Variants in OTOGL observed in about 807,000 individuals in gnomAD.
OTOGL encodes the protein otogelin-like protein.
OTOGL carries 285 observed loss-of-function variants against 318.5 expected under a neutral mutation model. The ratio of observed to expected loss-of-function variants is 0.89; its 90% CI spans 0.81 to 0.99. The LOEUF is 0.99. Among genes scored for constraint, OTOGL ranks in the 50% least tolerant of loss-of-function variants. The pLI is 0.00. For missense variants in OTOGL, 2,899 were observed against 2,845.6 expected, an observed-to-expected ratio of 1.02 and a Z score of -0.43; for synonymous variants, 987 against 936.5, an observed-to-expected ratio of 1.05 and a Z score of -0.99.
intron 1 of OTOGL, among the ~76,000 whole-genome samples, chr12:80,201,661 A>G (rs572894373): frequency 6.6e-6 from 1 of 152,144 alleles, no homozygotes; most frequent in African/African-American, 2.4e-5. Context: ...TACCCAGGAC[A>G]TATACTTCTA....
At chr12:80,141,171 T>C (rs535314087) in intron 1 of OTOGL, among the ~76,000 whole-genome samples, 5 of 152,278 alleles carry the variant, frequency 3.3e-5, no homozygotes, top group Non-Finnish European at 7.4e-5. Flanking sequence ...TCTTAAGTTA[T>C]GTAAAGTAGG....
intron 7 of OTOGL, among the ~76,000 whole-genome samples, chr12:80,223,428 T>C (rs1878544851): frequency 6.6e-6 from 1 of 152,062 alleles, no homozygotes; most frequent in African/African-American, 2.4e-5. Context: ...TGACTTCTTT[T>C]CTTCTGGGGA....
intron 1 of OTOGL, among the ~76,000 whole-genome samples, chr12:80,158,111 T>C (rs994990669): frequency 6.6e-6 from 1 of 152,152 alleles, no homozygotes; most frequent in African/African-American, 2.4e-5. Context: ...TATTCACAAC[T>C]CTAAAATCTA....
intron 57 of OTOGL, among the ~76,000 whole-genome samples, chr12:80,375,003 A>T (rs1225841288): frequency 6.6e-6 from 1 of 152,136 alleles, no homozygotes; most frequent in African/African-American, 2.4e-5. Context: ...CCTGTCCAGT[A>T]TCTGGGCCCA....
In OTOGL at chr12:80,222,158, C is replaced by T. The variant is rs772327915; in HGVS notation, c.402C>T (p.Phe134=). 8.1e-6 allele frequency: 13 copies of T among 1,597,524 alleles called. No individual in the cohort carries two copies. Among genetic ancestry groups the T allele is most frequent in the African/African-American group, 5.3e-5 (4 of 74,852 alleles). ...KTWGQYHFET[F]DGIYYYFPGN... ...GGGGACAGTATCATTTTGAAACATT[C>T]GATGGCATCTACTATTACTTCCCAG... Residue 134 remains phenylalanine, a synonymous_variant, in exon 7 of 59, where the codon TTC becomes TTT. Coordinates refer to ENST00000547103, the MANE Select transcript of OTOGL (RefSeq NM_001378609.3).
chr12:80,147,817 G>A (rs1439682975), intron 1 of OTOGL, among the ~76,000 whole-genome samples: 1 of 152,052 alleles, frequency 6.6e-6, no homozygotes, highest in African/African-American at 2.4e-5. Context: ...TAATGGCCTT[G>A]TTTGTCTCTT....
chr12:80,200,242 CA>C (rs1439720177), intron 1 of OTOGL, among the ~76,000 whole-genome samples: 3 of 152,072 alleles, frequency 2.0e-5, no homozygotes, highest in Non-Finnish European at 4.4e-5. Flanking sequence ...TTGTAAGTGC[CA>C]AGGAGTAGTT....
intron 26 of OTOGL, among the ~76,000 whole-genome samples, chr12:80,292,487 T>C (rs73358975): frequency 0.18 from 27,986 of 152,198 alleles, 3,120 homozygotes; most frequent in African/African-American, 0.3. Context: ...TCTAGTCTGA[T>C]GGCACAATCT....
intron 24 of OTOGL, among the ~76,000 whole-genome samples, chr12:80,277,588 G>C (rs1408948621): frequency 6.6e-6 from 1 of 151,068 alleles, no homozygotes; most frequent in African/African-American, 2.4e-5. Flanking sequence ...AATAACACTT[G>C]AAGGAAAACC....
chr12:80,158,567 T>TTA (rs1341412469), intron 1 of OTOGL, among the ~76,000 whole-genome samples: 2 of 152,006 alleles, frequency 1.3e-5, no homozygotes, highest in African/African-American at 4.8e-5. Flanking sequence ...TATATGTACA[T>TTA]TATATATACA....
At chr12:80,123,185 T>G (rs1870592392) in intron 1 of OTOGL, among the ~76,000 whole-genome samples, 1 of 151,866 alleles carries the variant, frequency 6.6e-6, no homozygotes. Flanking sequence ...CCCTCCCCCT[T>G]CCCCCACCCC....
intron 37 of OTOGL, among the ~76,000 whole-genome samples, chr12:80,330,524 G>A (rs962568651): frequency 1.3e-5 from 2 of 152,128 alleles, no homozygotes; most frequent in Non-Finnish European, 2.9e-5. Context: ...CTGGGGCATA[G>A]ACTGTTAATT....
chr12:80,353,211 A>G, intron 45 of OTOGL, 114 bp from the exon 46 acceptor site: 1 of 773,998 alleles, frequency 1.3e-6, no homozygotes, highest in Non-Finnish European at 1.9e-6. Context: ...GACTTTGAAG[A>G]GACTAAAATT....
Position 80,103,249 on chromosome 12 carries a change from T to A in OTOGL, c.-20+3644T>A, listed in dbSNP as rs1005788309. 15 of 1,509,456 alleles carry A rather than the reference T, an allele frequency of 9.9e-6. 1 individual carries two copies. The African/African-American group carries it at 1.6e-4, about 17-fold the overall frequency. 93.5% of individuals were successfully genotyped at this position (1,509,456 alleles called of 1,614,324 possible). A position where few individuals can be genotyped will look rare whatever the true frequency, so the allele number is the denominator to read the frequency against. On this transcript the variant is annotated intron_variant, in intron 1 of 58. Coordinates refer to ENST00000547103, the MANE Select transcript of OTOGL (RefSeq NM_001378609.3). ...TCTTTGGAAAGAAGGGAAGACATAA[T>A]CTTCCTTCGAATGTGGGAAGGTGCG...
Position 80,265,124 on chromosome 12 carries a change from G to A in OTOGL, c.2138G>A (p.Cys713Tyr). Reference sequence around the variant, plus strand: ...GATGCATGCAAGTGTGGAAGCTCCTGCCTGTGCAATGCTCTTGCCCACTAT... The same window carrying A: ...GATGCATGCAAGTGTGGAAGCTCCTACCTGTGCAATGCTCTTGCCCACTAT... ...RHDACKCGSS[C>Y]LCNALAHYAY... Residue 713 changes from cysteine (C) to tyrosine (Y), a missense_variant, in exon 20 of 59, where the codon TGC becomes TAC. This residue lies in a region of OTOGL where 2,607 missense variants were observed against 2,524.9 expected (regional missense o/e 1.03). Coordinates refer to ENST00000547103, the MANE Select transcript of OTOGL (RefSeq NM_001378609.3). 1.2e-6 allele frequency: 2 copies of A among 1,613,854 alleles called. No individual in the cohort carries two copies. Among genetic ancestry groups the A allele is most frequent in the Non-Finnish European group, 8.5e-7 (1 of 1,179,866 alleles).
intron 9 of OTOGL, among the ~76,000 whole-genome samples, chr12:80,236,278 T>C (rs562561688): frequency 1.1e-3 from 173 of 152,290 alleles, no homozygotes; most frequent in Non-Finnish European, 1.8e-3. Flanking sequence ...TTTCCCAGCA[T>C]AATAATTAAT....
At chr12:80,363,920 A>G (rs1034660029) in intron 52 of OTOGL, among the ~76,000 whole-genome samples, 3 of 151,452 alleles carry the variant, frequency 2.0e-5, no homozygotes, top group Non-Finnish European at 4.4e-5. Flanking sequence ...TTTTTTATTT[A>G]TTTATTTATT....
At position 80,332,913 on chromosome 12, in the gene OTOGL, A is replaced by G. The variant is rs117863885; in HGVS notation, c.4349-92A>G. 1.2e-5 allele frequency: 12 copies of G among 990,720 alleles called. No individual in the cohort carries two copies. In the African/African-American group the frequency reaches 1.8e-4, roughly 15 times the overall value. The allele number at this position is 990,720 out of a possible 1,614,324, so 61.4% of individuals were successfully genotyped here. On this transcript the variant is annotated intron_variant, in intron 37 of 58. Transcript: ENST00000547103. ...GGAAGGAATATGTGAAATAATCTATACAAAATTTCTTAGCACAGTTTCTGT... is the reference window on the plus strand; with the variant it reads ...GGAAGGAATATGTGAAATAATCTATGCAAAATTTCTTAGCACAGTTTCTGT...
In OTOGL at chr12:80,252,378, A is replaced by G. The variant is rs141556412; in HGVS notation, c.1285+177A>G. On this transcript the variant is annotated intron_variant, in intron 13 of 58. Transcript: ENST00000547103. Reference sequence around the variant, plus strand: ...GAGGAATGGCTACTTTTCATTGATAAAAGGCTCATTACTTTGTAAAGTTTC... The same window carrying G: ...GAGGAATGGCTACTTTTCATTGATAGAAGGCTCATTACTTTGTAAAGTTTC... 3.0e-3 allele frequency among the ~76,000 whole-genome samples: 464 copies of G among 152,306 alleles called. 1 individual carries two copies. Among genetic ancestry groups the G allele is most frequent in the Middle Eastern group, 6.8e-3 (2 of 294 alleles).
Sources: allele counts gnomAD v4.1 joint callset (sites outside exome capture counted in the v4.1 genomes callset), GRCh38; gene constraint gnomAD v4.1.1; regional missense constraint gnomAD v4.1.1; transcripts MANE v1.5; gene names NCBI Gene and HGNC (gene_info 2026-07-23, HGNC 2026-07-21).